Variants in KCNQ5 observed in about 807,000 individuals in gnomAD.
KCNQ5 encodes potassium voltage-gated channel subfamily KQT member 5.
In KCNQ5, 30 loss-of-function variants were observed where a neutral mutation model predicts 98.2. The ratio of observed to expected loss-of-function variants is 0.31; its 90% CI spans 0.23 to 0.41. The LOEUF (loss-of-function observed/expected upper bound fraction) is 0.41. KCNQ5 is among the 10% of genes least tolerant of loss of function. The probability of loss-of-function intolerance (pLI) is 1.00; values close to 1 mark genes in which losing one functional copy is unlikely to be tolerated. For synonymous variants in KCNQ5, 458 were observed against 449.4 expected (o/e 1.02, Z -0.24); for missense variants, 835 against 1,182.5 (o/e 0.71, Z 4.31).
At chr6:72,693,551 G>A (rs1417497957) in intron 1 of KCNQ5, among the ~76,000 whole-genome samples, 1 of 152,070 alleles carries the variant, frequency 6.6e-6, no homozygotes, top group Admixed American at 6.6e-5. Context: ...GGAAAAAAAG[G>A]GTAAGATTGC....
intron 2 of KCNQ5, among the ~76,000 whole-genome samples, chr6:73,012,163 C>T (rs1770092537): frequency 1.3e-5 from 2 of 152,076 alleles, no homozygotes; most frequent in African/African-American, 4.8e-5. Flanking sequence ...GAGATGTGTA[C>T]ACCCATGTTC....
At chr6:72,850,183 T>C (rs1035569803) in intron 1 of KCNQ5, among the ~76,000 whole-genome samples, 5 of 152,126 alleles carry the variant, frequency 3.3e-5, no homozygotes, top group Admixed American at 3.3e-4. Flanking sequence ...AGGTAATAGA[T>C]ATAAGGCTGG....
At position 73,194,315 on chromosome 6, in the gene KCNQ5, A is replaced by G. The variant is rs190549023; in HGVS notation, c.1837-137A>G. 11 of 750,750 alleles carry G rather than the reference A, an allele frequency of 1.5e-5. No individual in the cohort carries two copies. The East Asian group carries it at 2.2e-4, about 15-fold the overall frequency. The allele number at this position is 750,750 out of a possible 1,614,324, so 46.5% of individuals were successfully genotyped here. On this transcript the variant is annotated intron_variant, in intron 13 of 13. Coordinates refer to ENST00000370398, the MANE Select transcript of KCNQ5 (RefSeq NM_019842.4). ...CTAAATGTTACATTCACTAAGGGTC[A>G]AGACTGCATCGTACTTTATATTCAA...
chr6:72,932,446 C>A (rs1049021891), intron 1 of KCNQ5, among the ~76,000 whole-genome samples: 2 of 152,112 alleles, frequency 1.3e-5, no homozygotes, highest in Non-Finnish European at 2.9e-5. Flanking sequence ...GACCTGAAAG[C>A]AGTTGACTTG....
chr6:72,733,340 T>C (rs1236103133), intron 1 of KCNQ5, among the ~76,000 whole-genome samples: 1 of 152,122 alleles, frequency 6.6e-6, no homozygotes, highest in African/African-American at 2.4e-5. Flanking sequence ...ACTATAGATG[T>C]CAAGTAAAGT....
At chr6:72,984,595 G>A (rs1020129600) in intron 1 of KCNQ5, among the ~76,000 whole-genome samples, 7 of 152,146 alleles carry the variant, frequency 4.6e-5, no homozygotes, top group Admixed American at 1.3e-4. Flanking sequence ...GCAGTGTCCC[G>A]ATTTTCCAGG....
At chr6:73,015,964 A>T (rs1018890475) in intron 2 of KCNQ5, among the ~76,000 whole-genome samples, 1 of 152,114 alleles carries the variant, frequency 6.6e-6, no homozygotes, top group Non-Finnish European at 1.5e-5. Flanking sequence ...ATTCAACAAG[A>T]TGTATGCAGT....
At chr6:73,028,938 G>A (rs947612) in intron 2 of KCNQ5, among the ~76,000 whole-genome samples, 87,379 of 151,956 alleles carry the variant, frequency 0.58, 29,079 homozygotes, top group Non-Finnish European at 0.75. Context: ...AAGTTACTGT[G>A]GCAGATCAGT....
At chr6:72,811,643 T>C (rs1775245905) in intron 1 of KCNQ5, among the ~76,000 whole-genome samples, 2 of 152,152 alleles carry the variant, frequency 1.3e-5, no homozygotes, top group Admixed American at 6.5e-5. Context: ...ATGTATTGAA[T>C]TATTTAAGGA....
intron 5 of KCNQ5, among the ~76,000 whole-genome samples, chr6:73,100,336 G>C (rs1343977134): frequency 6.6e-6 from 1 of 152,140 alleles, no homozygotes; most frequent in Non-Finnish European, 1.5e-5. Context: ...ATAAAGATCA[G>C]AGCAGAAATA....
intron 1 of KCNQ5, among the ~76,000 whole-genome samples, chr6:72,739,942 A>G (rs1230693275): frequency 6.6e-6 from 1 of 152,222 alleles, no homozygotes; most frequent in African/African-American, 2.4e-5. Flanking sequence ...GCTGCCTCAG[A>G]GGCACATAAA....
At chr6:73,021,392 C>A (rs1429273234) in intron 2 of KCNQ5, among the ~76,000 whole-genome samples, 4 of 152,166 alleles carry the variant, frequency 2.6e-5, no homozygotes, top group Non-Finnish European at 4.4e-5. Context: ...ACCATTCAAT[C>A]TAAGGAAGCC....
intron 11 of KCNQ5, among the ~76,000 whole-genome samples, chr6:73,184,054 A>G (rs903763815): frequency 6.6e-6 from 1 of 152,200 alleles, no homozygotes; most frequent in Admixed American, 6.5e-5. Context: ...CCATCCCAAC[A>G]GGCTCTTCCC....
chr6:73,028,956 T>C (rs1383016078), intron 2 of KCNQ5, among the ~76,000 whole-genome samples: 1 of 152,162 alleles, frequency 6.6e-6, no homozygotes, highest in African/African-American at 2.4e-5. Flanking sequence ...AGTTCCCTCC[T>C]ATACTAAGTG....
intron 1 of KCNQ5, among the ~76,000 whole-genome samples, chr6:72,661,434 AG>A (rs1292767284): frequency 6.6e-6 from 1 of 152,110 alleles, no homozygotes; most frequent in Non-Finnish European, 1.5e-5. Flanking sequence ...GAGGTACAGG[AG>A]GTACTCTAGA....
At chr6:73,142,862 G>A (rs1018682538) in intron 10 of KCNQ5, among the ~76,000 whole-genome samples, 1 of 152,158 alleles carries the variant, frequency 6.6e-6, no homozygotes, top group African/African-American at 2.4e-5. Flanking sequence ...GTTGCAGTGA[G>A]CTGAGATTGC....
chr6:73,074,955 A>G (rs1773464950), intron 3 of KCNQ5, among the ~76,000 whole-genome samples: 1 of 152,168 alleles, frequency 6.6e-6, no homozygotes, highest in Non-Finnish European at 1.5e-5. Context: ...TAAAAGCAAA[A>G]TGTATGTCCA....
chr6:73,139,263 C>T (rs1776609705), intron 10 of KCNQ5, among the ~76,000 whole-genome samples: 1 of 152,186 alleles, frequency 6.6e-6, no homozygotes, highest in South Asian at 2.1e-4. Context: ...AAAACAATCA[C>T]CAGCATGGAG....
At chr6:72,722,093 G>A (rs1336321869) in intron 1 of KCNQ5, among the ~76,000 whole-genome samples, 2 of 152,126 alleles carry the variant, frequency 1.3e-5, no homozygotes, top group South Asian at 2.1e-4. Flanking sequence ...ACAAGGAAGG[G>A]ATCCTGAGCT....
Sources: gnomAD v4.1 joint callset for allele counts (sites outside exome capture counted in the v4.1 genomes callset) on GRCh38, gnomAD v4.1.1 for gene constraint, MANE v1.5 for transcripts, NCBI Gene and HGNC (gene_info 2026-07-23, HGNC 2026-07-21) for gene names.